UFL1: variants seen among roughly 807,000 people sequenced by gnomAD.
The protein encoded by UFL1 is E3 UFM1-protein ligase 1.
In UFL1, 78 loss-of-function variants were observed where a neutral mutation model predicts 99.3. The observed-to-expected ratio is 0.79, with a 90% CI of 0.65 to 0.95. The LOEUF (loss-of-function observed/expected upper bound fraction) is 0.95, where lower values mean the gene tolerates loss of function less well. UFL1 is among the 40% of genes least tolerant of loss of function. The pLI, the probability that UFL1 is intolerant of heterozygous loss-of-function variation, is 0.00. For synonymous variants in UFL1, 335 were observed against 322.2 expected, an observed-to-expected ratio of 1.04 and a Z score of -0.42; for missense variants, 936 against 937.0, an observed-to-expected ratio of 1.00 and a Z score of 0.01.
chr6:96,546,913 C>A (rs940494275), intron 12 of UFL1, among the ~76,000 whole-genome samples: 2 of 151,442 alleles, frequency 1.3e-5, no homozygotes, highest in Non-Finnish European at 3.0e-5. Context: ...AGGAAAAAAT[C>A]TTCTGGACAT....
At chr6:96,523,100 A>G (rs1769643428) in intron 1 of UFL1, 46 bp from the exon 2 acceptor site, 1 of 1,550,432 alleles carries the variant, frequency 6.4e-7, no homozygotes, top group Non-Finnish European at 8.7e-7. Context: ...ATTGAGCGCC[A>G]ATGTCTCAAG....
rs752175111 is a variant in UFL1, at chr6:96,521,960, C to A, written c.77+10C>A. The A allele has an allele frequency of 8.6e-5, 138 of 1,609,438 alleles. No individual in the cohort carries two copies. The highest frequency in any genetic ancestry group is 1.2e-4 in the Non-Finnish European group (138 of 1,178,120). ...CCGAGGCCACGCAGAGGTGCCCGAC[C>A]CTCCCTCTCCTTTGTGGAGCCCAAA... On this transcript the variant is annotated intron_variant, in intron 1 of 18. Coordinates refer to ENST00000369278, the MANE Select transcript of UFL1 (RefSeq NM_015323.5).
chr6:96,536,235 T>C lies in UFL1; in HGVS notation c.656-9T>C, dbSNP rs1769850660. ...TGATTTATTTGTATTCATGTGGGTT[T>C]GTTTTAAGCTGTGCTTGAGGAACTT... On this transcript the variant is annotated splice_polypyrimidine_tract_variant and intron_variant, in intron 7 of 18. Coordinates refer to ENST00000369278, the MANE Select transcript of UFL1 (RefSeq NM_015323.5). The C allele has an allele frequency of 6.2e-7, 1 of 1,603,302 alleles. No individual in the cohort carries two copies. Among genetic ancestry groups the C allele is most frequent in the Non-Finnish European group, 8.5e-7 (1 of 1,172,956 alleles).
intron 8 of UFL1, among the ~76,000 whole-genome samples, chr6:96,536,961 TAAAAC>T (rs1365740067): frequency 1.3e-5 from 2 of 150,268 alleles, no homozygotes; most frequent in Non-Finnish European, 3.0e-5. Context: ...ATTTAGTTAT[TAAAAC>T]AATTAGCATA....
At chr6:96,546,996 CTTAA>C (rs1770010316) in intron 12 of UFL1, among the ~76,000 whole-genome samples, 1 of 151,486 alleles carries the variant, frequency 6.6e-6, no homozygotes, top group Non-Finnish European at 1.5e-5. Context: ...ACACATAGGA[CTTAA>C]TTAAACTAAA....
chr6:96,551,661 C>G (rs964985446), intron 16 of UFL1, 148 bp downstream of exon 16: 3 of 725,220 alleles, frequency 4.1e-6, no homozygotes. Context: ...GAAGAGAAGA[C>G]CAAGCTGCTG....
Position 96,555,042 on chromosome 6 carries a change from C to CA in UFL1, c.*1541dup, listed in dbSNP as rs1770135681. ...AAAATAAATAGAAGAGACAGTGAAG[C>CA]AAGTAAAAAGAAAAGCATTGTTTTA... On this transcript the variant is annotated 3_prime_UTR_variant, in exon 19 of 19. Transcript: ENST00000369278. The CA allele has an allele frequency of 6.6e-6, 1 of 152,450 alleles. No homozygotes were observed. The highest frequency in any genetic ancestry group is 6.6e-5 in the Admixed American group (1 of 15,252). The allele number at this position is 152,450 out of a possible 1,614,324, so 9.4% of individuals were successfully genotyped here.
chr6:96,540,810 G>C (rs538391188), intron 11 of UFL1, among the ~76,000 whole-genome samples, 155 bp downstream of exon 11: 2 of 151,448 alleles, frequency 1.3e-5, no homozygotes, highest in South Asian at 4.1e-4. Flanking sequence ...AATGTGTTAA[G>C]TTTTATATAA....
At chr6:96,544,020 AT>A (rs1769966633) in intron 12 of UFL1, among the ~76,000 whole-genome samples, 1 of 150,986 alleles carries the variant, frequency 6.6e-6, no homozygotes. Context: ...AACAATTGTA[AT>A]TTTTCCTATT....
At position 96,536,287 on chromosome 6, in the gene UFL1, T is replaced by C. The variant is rs1467026216; in HGVS notation, c.699T>C (p.Thr233=). ...ELVNSGRLRG[T]VVGGRQDKAV... is the part of the protein sequence containing the mutation. ...TTAATAGCGGACGCTTACGAGGCAC[T>C]GTGGTTGGTGGGAGACAGGATAAAG... Residue 233 remains threonine, a synonymous_variant, in exon 8 of 19, where the codon ACT becomes ACC. Coordinates refer to ENST00000369278, the MANE Select transcript of UFL1 (RefSeq NM_015323.5). 2 of 1,610,886 alleles carry C rather than the reference T, an allele frequency of 1.2e-6. No homozygotes were observed. The highest frequency in any genetic ancestry group is 1.7e-6 in the Non-Finnish European group (2 of 1,177,732).
intron 6 of UFL1, among the ~76,000 whole-genome samples, chr6:96,533,079 C>T (rs1230724855): frequency 1.3e-5 from 2 of 151,816 alleles, no homozygotes; most frequent in South Asian, 2.1e-4. Flanking sequence ...TTACTTAAGT[C>T]GTTTTGTTAT....
rs1469563906 is a variant in UFL1 at position 96,554,015 on chromosome 6, T to G, written c.*512T>G. ...TTTTAAATAGAAAGCACTTCAAAAC[T>G]AAAATACAGAAATTTACAAAAAAGA... is the stretch of plus-strand genomic sequence containing the variant. On this transcript the variant is annotated 3_prime_UTR_variant, in exon 19 of 19. Coordinates refer to ENST00000369278, the MANE Select transcript of UFL1 (RefSeq NM_015323.5). The G allele has an allele frequency of 6.6e-6, 1 of 152,152 alleles. No homozygotes were observed. Among genetic ancestry groups the G allele is most frequent in the Non-Finnish European group, 1.5e-5 (1 of 68,068 alleles). The allele number at this position is 152,152 out of a possible 1,614,324, so 9.4% of individuals were successfully genotyped here. A position where few individuals can be genotyped will look rare whatever the true frequency, so the allele number is the denominator to read the frequency against.
chr6:96,532,648 T>C (rs1769798137), intron 6 of UFL1, among the ~76,000 whole-genome samples: 1 of 152,226 alleles, frequency 6.6e-6, no homozygotes, highest in African/African-American at 2.4e-5. Context: ...CCTCTTTCAC[T>C]ATGTGATTTA....
chr6:96,536,801 A>G (rs556733468), intron 8 of UFL1, among the ~76,000 whole-genome samples: 1 of 151,834 alleles, frequency 6.6e-6, no homozygotes, highest in Non-Finnish European at 1.5e-5. Flanking sequence ...TAAGTTGCCC[A>G]GTTTTTCAGA....
chr6:96,554,567 G>T lies in UFL1; in HGVS notation c.*1064G>T, dbSNP rs1468835858. On this transcript the variant is annotated 3_prime_UTR_variant, in exon 19 of 19. Transcript: ENST00000369278. ...CAACTTACTTACTATTTATCAAAAA[G>T]GGATTTAATTATTTTGAATATAATT... 1 of 151,472 alleles carries T rather than the reference G, an allele frequency of 6.6e-6. No homozygotes were observed. Among genetic ancestry groups the T allele is most frequent in the South Asian group, 2.1e-4 (1 of 4,804 alleles). The allele number at this position is 151,472 out of a possible 1,614,324, so 9.4% of individuals were successfully genotyped here.
In UFL1 at chr6:96,536,274, G is replaced by A. The variant is rs1214033426; in HGVS notation, c.686G>A (p.Arg229His). ...CTTGAGGAACTTGTTAATAGCGGACGCTTACGAGGCACTGTGGTTGGTGGG... is the reference window on the plus strand; with the variant it reads ...CTTGAGGAACTTGTTAATAGCGGACACTTACGAGGCACTGTGGTTGGTGGG... ...SVLEELVNSG[R>H]LRGTVVGGRQ... The change falls in exon 8 of 19, where the codon CGC becomes CAC. Residue 229 changes from arginine to histidine, a missense_variant. By Grantham distance (29) the Arg-to-His change is conservative. Coordinates refer to ENST00000369278, the MANE Select transcript of UFL1 (RefSeq NM_015323.5). 9 of 1,609,510 alleles carry A rather than the reference G, an allele frequency of 5.6e-6. No homozygotes were observed. The highest frequency in any genetic ancestry group is 1.7e-5 in the Admixed American group (1 of 59,868).
In UFL1 at chr6:96,536,280, G is replaced by A. The variant is rs757348368; in HGVS notation, c.692G>A (p.Arg231Gln). 1.9e-5 allele frequency: 30 copies of A among 1,610,310 alleles called. No individual in the cohort carries two copies. Among genetic ancestry groups the A allele is most frequent in the African/African-American group, 2.7e-5 (2 of 74,736 alleles). Residue 231 changes from arginine (R) to glutamine (Q), a missense_variant, in exon 8 of 19, where the codon CGA becomes CAA. Arg to Gln is a conservative substitution (Grantham distance 43, BLOSUM62 1). Coordinates refer to ENST00000369278, the MANE Select transcript of UFL1 (RefSeq NM_015323.5). ...LEELVNSGRLRGTVVGGRQDK... is the reference protein window; with the variant it reads ...LEELVNSGRLQGTVVGGRQDK... ...GAACTTGTTAATAGCGGACGCTTAC[G>A]AGGCACTGTGGTTGGTGGGAGACAG...
At chr6:96,523,336 G>A in intron 2 of UFL1, 45 bp downstream of exon 2, 1 of 1,525,650 alleles carries the variant, frequency 6.6e-7, no homozygotes, top group Non-Finnish European at 8.8e-7. Flanking sequence ...ATTTTTGGAA[G>A]GGGCAAAACA....
Position 96,554,295 on chromosome 6 carries a change from C to T in UFL1, c.*792C>T, listed in dbSNP as rs191899853. 9.9e-5 allele frequency: 15 copies of T among 152,214 alleles called. No homozygotes were observed. The East Asian group carries it at 2.9e-3, about 29-fold the overall frequency. 9.4% of individuals were successfully genotyped at this position (152,214 alleles called of 1,614,324 possible). A position where few individuals can be genotyped will look rare whatever the true frequency, so the allele number is the denominator to read the frequency against. ...TTCTTTGACCCAGTTTGCATTTGTA[C>T]ATTTTATTTTTTTAGTTCAACAGCT... On this transcript the variant is annotated 3_prime_UTR_variant, in exon 19 of 19. Coordinates refer to ENST00000369278, the MANE Select transcript of UFL1 (RefSeq NM_015323.5).
Sources: gnomAD v4.1 joint callset for allele counts (sites outside exome capture counted in the v4.1 genomes callset) on GRCh38, gnomAD v4.1.1 for gene constraint, MANE v1.5 for transcripts, NCBI Gene and HGNC (gene_info 2026-07-23, HGNC 2026-07-21) for gene names.